The following HHIPL2 variants were observed in gnomAD, a reference collection of about 807,000 sequenced individuals.
HHIPL2 encodes HHIP-like protein 2.
A neutral mutation model predicts 61.0 loss-of-function variants in HHIPL2; 61 were observed. That is an observed-to-expected ratio of 1.00 (90% CI 0.81 to 1.24). The LOEUF is 1.24. HHIPL2 is among the 50% of genes most tolerant of loss of function. HHIPL2 has a pLI of 0.00. For synonymous variants in HHIPL2, 343 were observed against 357.4 expected (o/e 0.96, Z 0.45); for missense variants, 885 against 910.2 (o/e 0.97, Z 0.36).
At position 222,523,602 on chromosome 1, in the gene HHIPL2, A is replaced by G. The variant is rs780569228; in HGVS notation, c.1888+10T>C. ...CAAGGCCTGAGCCTAAGACTCAAAG[A>G]TGGACTCACTGGCGAGTGGTCTGAA... On this transcript the variant is annotated intron_variant, in intron 8 of 8. Coordinates refer to ENST00000343410, the MANE Select transcript of HHIPL2 (RefSeq NM_024746.4). 4 of 1,613,604 alleles carry G rather than the reference A, an allele frequency of 2.5e-6. No homozygotes were observed. The highest frequency in any genetic ancestry group is 1.7e-5 in the Admixed American group (1 of 59,988).
intron 4 of HHIPL2, 158 bp from the exon 5 acceptor site, chr1:222,538,932 T>C: frequency 4.4e-6 from 3 of 676,410 alleles, no homozygotes. Context: ...TCATGTTTAT[T>C]GTTCTCAATA....
At chr1:222,525,776 A>C (rs1659050136) in intron 7 of HHIPL2, among the ~76,000 whole-genome samples, 1 of 152,076 alleles carries the variant, frequency 6.6e-6, no homozygotes, top group Admixed American at 6.6e-5. Context: ...AGGCAGGTGG[A>C]TCGCTTGAGG....
intron 5 of HHIPL2, 108 bp downstream of exon 5, chr1:222,538,540 C>T (rs1659355424): frequency 9.7e-7 from 1 of 1,030,100 alleles, no homozygotes; most frequent in Non-Finnish European, 1.4e-6. Flanking sequence ...ATTTGTAAAA[C>T]ATCAAACACC....
chr1:222,544,327 G>C (rs1659512796), intron 1 of HHIPL2, 138 bp from the exon 2 acceptor site: 2 of 862,170 alleles, frequency 2.3e-6, no homozygotes, highest in Admixed American at 5.5e-5. Context: ...ACCAACTGCT[G>C]CTAAAACTCT....
chr1:222,538,354 A>G (rs976078352), intron 5 of HHIPL2, among the ~76,000 whole-genome samples: 1 of 151,862 alleles, frequency 6.6e-6, no homozygotes, highest in African/African-American at 2.4e-5. Flanking sequence ...GGAAATGCTC[A>G]GAACAAGTAA....
intron 5 of HHIPL2, among the ~76,000 whole-genome samples, chr1:222,534,502 G>A (rs570496255): frequency 5.9e-5 from 9 of 151,938 alleles, no homozygotes; most frequent in African/African-American, 9.7e-5. Context: ...GCGTGAACCC[G>A]GGAGGCGGAG....
chr1:222,523,549 G>T, intron 8 of HHIPL2, 63 bp downstream of exon 8: 1 of 1,465,200 alleles, frequency 6.8e-7, no homozygotes, highest in Non-Finnish European at 9.6e-7. Flanking sequence ...TAGCCTGCTT[G>T]CTGAGGGCAC....
At chr1:222,539,670 T>C (rs868324226) in intron 4 of HHIPL2, among the ~76,000 whole-genome samples, 1 of 152,216 alleles carries the variant, frequency 6.6e-6, no homozygotes, top group African/African-American at 2.4e-5. Flanking sequence ...AATTTTGGTC[T>C]GCCAGTGGTT....
At chr1:222,541,892 G>C in intron 3 of HHIPL2, 120 bp downstream of exon 3, 1 of 991,304 alleles carries the variant, frequency 1.0e-6, no homozygotes, top group Non-Finnish European at 1.4e-6. Context: ...TCCTCCCATT[G>C]CCTCAGTGGA....
chr1:222,526,911 C>G, intron 7 of HHIPL2, 58 bp downstream of exon 7: 1 of 1,401,832 alleles, frequency 7.1e-7, no homozygotes, highest in East Asian at 2.3e-5. Context: ...TTATGGCCTG[C>G]CATGGAGATA....
intron 5 of HHIPL2, among the ~76,000 whole-genome samples, chr1:222,537,694 C>T (rs544273569): frequency 6.6e-6 from 1 of 151,048 alleles, no homozygotes; most frequent in Non-Finnish European, 1.5e-5. Context: ...AAATTATGTT[C>T]CACATAGAAA....
Position 222,533,804 on chromosome 1 carries a change from G to A in HHIPL2, c.1578-1693C>T, listed in dbSNP as rs922180083. 1.3e-5 allele frequency among the ~76,000 whole-genome samples: 2 copies of A among 152,280 alleles called. 1 individual carries two copies. The highest frequency in any genetic ancestry group is 4.1e-4 in the South Asian group (2 of 4,826). On this transcript the variant is annotated intron_variant, in intron 5 of 8. Transcript: ENST00000343410. ...GGAAAATACAGGCAAAGCCCAGCAG[G>A]CTCCTTGAGCTGAAAAGATATTGCT... is the stretch of plus-strand genomic sequence containing the variant.
intron 5 of HHIPL2, among the ~76,000 whole-genome samples, chr1:222,532,473 GC>G (rs886831886): frequency 1.3e-5 from 2 of 152,072 alleles, no homozygotes; most frequent in Non-Finnish European, 2.9e-5. Flanking sequence ...AATTAGCCAG[GC>G]AGGGTGGTGC....
rs199572964 is a variant in HHIPL2 at position 222,523,655 on chromosome 1, G to T, written c.1845C>A (p.Pro615=). ...PPGKCKYKPV[P]VRTKSKRIPF... The stretch of plus-strand genomic sequence containing the variant: ...GGATCCGCTTACTCTTGGTTCTCAC[G>T]GGCACTGGCTTGTATTTGCACTTGC... Residue 615 remains proline (P), a synonymous_variant, in exon 8 of 9, where the codon CCC becomes CCA. Transcript: ENST00000343410. 4 of 1,613,998 alleles carry T rather than the reference G, an allele frequency of 2.5e-6. No homozygotes were observed. In the Admixed American group the frequency reaches 6.7e-5, roughly 27 times the overall value.
chr1:222,541,330 A>G (rs35832897), intron 3 of HHIPL2, among the ~76,000 whole-genome samples: 50,212 of 151,922 alleles, frequency 0.33, 8,709 homozygotes, highest in East Asian at 0.51. Context: ...GGGCTCTGGC[A>G]CCGTATTGTG....
At chr1:222,543,387 C>T in intron 2 of HHIPL2, 150 bp downstream of exon 2, 1 of 768,836 alleles carries the variant, frequency 1.3e-6, no homozygotes, top group Admixed American at 2.3e-5. Flanking sequence ...AAGAGGCTAA[C>T]TTGGGCCGTT....
intron 1 of HHIPL2, among the ~76,000 whole-genome samples, chr1:222,544,893 C>A (rs1005256589): frequency 2.6e-5 from 4 of 152,166 alleles, no homozygotes; most frequent in African/African-American, 9.7e-5. Flanking sequence ...TTAGCAATTT[C>A]TTTAATTATT....
At chr1:222,539,021 A>C in intron 4 of HHIPL2, 2 of 464,266 alleles carry the variant, frequency 4.3e-6, no homozygotes, top group East Asian at 3.7e-5. Context: ...CCCTCCATCT[A>C]TGAGGCAGTG....
chr1:222,546,810 A>G (rs913916442), intron 1 of HHIPL2, among the ~76,000 whole-genome samples: 1 of 152,174 alleles, frequency 6.6e-6, no homozygotes, highest in Non-Finnish European at 1.5e-5. Context: ...TGTGGGAGTT[A>G]CAGTGGTCTG....
Sources: allele counts gnomAD v4.1 joint callset (sites outside exome capture counted in the v4.1 genomes callset), GRCh38; gene constraint gnomAD v4.1.1; transcripts MANE v1.5; gene names NCBI Gene and HGNC (gene_info 2026-07-23, HGNC 2026-07-21).